FOXP1: variants seen among roughly 807,000 people sequenced by gnomAD.
FOXP1 encodes forkhead box P1.
Under a neutral mutation model 98.2 loss-of-function variants are expected in FOXP1, and 15 were observed. That is an observed-to-expected ratio of 0.15 (90% confidence interval 0.10 to 0.24). The LOEUF (loss-of-function observed/expected upper bound fraction) is 0.24. FOXP1 is among the 10% of genes least tolerant of loss of function. The probability of loss-of-function intolerance (pLI) is 1.00; values close to 1 mark genes in which losing one functional copy is unlikely to be tolerated. For synonymous variants in FOXP1, 371 were observed against 314.5 expected, an observed-to-expected ratio of 1.18 and a Z score of -1.90; for missense variants, 633 against 848.5, an observed-to-expected ratio of 0.75 and a Z score of 3.15.
intron 2 of FOXP1, among the ~76,000 whole-genome samples, chr3:71,569,755 T>C (rs900065010): frequency 2.0e-5 from 3 of 151,984 alleles, no homozygotes; most frequent in Non-Finnish European, 4.4e-5. Flanking sequence ...CTAATGGCTA[T>C]GTGACTCAGT....
chr3:71,290,875 C>T (rs917984481), intron 5 of FOXP1, among the ~76,000 whole-genome samples: 6 of 152,172 alleles, frequency 3.9e-5, no homozygotes, highest in Non-Finnish European at 1.5e-5. Context: ...GATCCCAAAT[C>T]AGAAATATTT....
chr3:71,376,706 A>G (rs1366978204), intron 3 of FOXP1, among the ~76,000 whole-genome samples: 1 of 152,210 alleles, frequency 6.6e-6, no homozygotes, highest in Non-Finnish European at 1.5e-5. Context: ...TCTTTGTTTA[A>G]CTTCCTCTTA....
At chr3:71,348,812 T>G (rs898867005) in intron 4 of FOXP1, among the ~76,000 whole-genome samples, 1 of 152,120 alleles carries the variant, frequency 6.6e-6, no homozygotes, top group Non-Finnish European at 1.5e-5. Flanking sequence ...CAATGCTAAC[T>G]GTTATGTGTG....
At chr3:71,272,820 C>T (rs1379087984) in intron 5 of FOXP1, among the ~76,000 whole-genome samples, 1 of 152,052 alleles carries the variant, frequency 6.6e-6, no homozygotes, top group Non-Finnish European at 1.5e-5. Flanking sequence ...AGGATTGCTG[C>T]AGATACCTTT....
In FOXP1 at chr3:71,346,346, T is replaced by C. The variant is rs145813387; in HGVS notation, c.-73+12804A>G. ...TAAGACCCAAGCGCCAAAGTTTTGA[T>C]TTAGCCAAGCAAACGTGGCTGTTTT... On this transcript the variant is annotated intron_variant, in intron 4 of 20. Transcript: ENST00000649528. Among the ~76,000 whole-genome samples the C allele has an allele frequency of 6.9e-3, 1,056 of 152,302 alleles. 30 individuals carry two copies. The highest frequency in any genetic ancestry group is 4.1e-3 in the Non-Finnish European group (281 of 68,016).
chr3:71,476,074 T>C (rs1036242985), intron 3 of FOXP1, among the ~76,000 whole-genome samples: 8 of 152,120 alleles, frequency 5.3e-5, no homozygotes, highest in African/African-American at 9.7e-5. Flanking sequence ...GATTATCCGA[T>C]AGCATTCAAA....
intron 3 of FOXP1, among the ~76,000 whole-genome samples, chr3:71,419,959 C>T (rs770590795): frequency 1.3e-5 from 2 of 151,818 alleles, no homozygotes; most frequent in South Asian, 2.1e-4. Context: ...GGATTACAGG[C>T]GCCCGCCACC....
At chr3:71,116,562 CAA>C (rs1157925235) in intron 6 of FOXP1, among the ~76,000 whole-genome samples, 5 of 152,184 alleles carry the variant, frequency 3.3e-5, no homozygotes, top group Non-Finnish European at 7.3e-5. Context: ...AATTATCCCA[CAA>C]TAATTCCCCA....
Position 71,583,120 on chromosome 3 carries a change from G to A in FOXP1, c.-447+451C>T, listed in dbSNP as rs894853309. On this transcript the variant is annotated intron_variant, in intron 1 of 20. Transcript: ENST00000649528. ...CCACCGGACGCCAACGCCGGACATC[G>A]AAAGTTGCGCCAGGCGGCCTGGGCT... is the stretch of plus-strand genomic sequence containing the variant. Among the ~76,000 whole-genome samples the A allele has an allele frequency of 2.0e-5, 3 of 151,960 alleles. No individual in the cohort carries two copies. The South Asian group carries it at 6.2e-4, about 31-fold the overall frequency.
At chr3:71,113,988 G>A (rs2058158927) in intron 6 of FOXP1, among the ~76,000 whole-genome samples, 1 of 152,156 alleles carries the variant, frequency 6.6e-6, no homozygotes, top group Admixed American at 6.5e-5. Context: ...ACACATGGCA[G>A]AGATGTCAAG....
At chr3:71,070,687 G>C (rs748698194) in intron 7 of FOXP1, among the ~76,000 whole-genome samples, 12 of 152,344 alleles carry the variant, frequency 7.9e-5, no homozygotes, top group Admixed American at 1.3e-4. Context: ...CCCAGCTGAA[G>C]GAGGGCTCTG....
At chr3:71,097,958 A>G (rs1156232894) in intron 7 of FOXP1, among the ~76,000 whole-genome samples, 31 of 152,230 alleles carry the variant, frequency 2.0e-4, no homozygotes. Context: ...CCAGTGAGAC[A>G]GACTAAATCC....
intron 6 of FOXP1, among the ~76,000 whole-genome samples, chr3:71,161,150 T>C (rs2061113020): frequency 1.3e-5 from 2 of 152,230 alleles, no homozygotes; most frequent in Admixed American, 6.5e-5. Context: ...TGAGGCTTGC[T>C]TTCCAAGGTT....
intron 3 of FOXP1, among the ~76,000 whole-genome samples, chr3:71,472,423 T>C (rs551852245): frequency 2.7e-5 from 4 of 149,024 alleles, no homozygotes; most frequent in African/African-American, 9.9e-5. Flanking sequence ...TCTGAAAATA[T>C]GTAAAATCAT....
intron 6 of FOXP1, among the ~76,000 whole-genome samples, chr3:71,173,195 T>G (rs531853434): frequency 6.6e-6 from 1 of 152,198 alleles, no homozygotes; most frequent in East Asian, 1.9e-4. Flanking sequence ...AATGAGTCAG[T>G]ATCCCTAAAG....
intron 5 of FOXP1, among the ~76,000 whole-genome samples, chr3:71,280,126 C>CAAA (rs56674677): frequency 2.0e-3 from 208 of 106,198 alleles, no homozygotes; most frequent in Non-Finnish European, 2.0e-3. Flanking sequence ...CTGTCTCAAA[C>CAAA]AAAAAAAAAA....
chr3:71,265,825 T>A (rs1221032848), intron 5 of FOXP1, among the ~76,000 whole-genome samples: 1 of 152,078 alleles, frequency 6.6e-6, no homozygotes, highest in Non-Finnish European at 1.5e-5. Flanking sequence ...CAAACCTCAT[T>A]GGAATCACGT....
chr3:71,252,216 C>T (rs1324749158), intron 5 of FOXP1, among the ~76,000 whole-genome samples: 9 of 152,180 alleles, frequency 5.9e-5, no homozygotes, highest in Non-Finnish European at 1.3e-4. Context: ...GCTTCAGCAG[C>T]CATCTTGTGG....
chr3:71,283,545 G>T (rs1353096360), intron 5 of FOXP1, among the ~76,000 whole-genome samples: 8 of 152,178 alleles, frequency 5.3e-5, no homozygotes, highest in Admixed American at 4.6e-4. Context: ...CTCCTGAAGG[G>T]ATCTGGATGA....
Sources: allele counts gnomAD v4.1 joint callset (sites outside exome capture counted in the v4.1 genomes callset), GRCh38; gene constraint gnomAD v4.1.1; transcripts MANE v1.5; gene names NCBI Gene and HGNC (gene_info 2026-07-23, HGNC 2026-07-21).